EXTL2: variants seen among roughly 807,000 people sequenced by gnomAD.
The protein encoded by EXTL2 is exostosin-like 2.
EXTL2 carries 23 observed loss-of-function variants against 30.7 expected under a neutral mutation model. The ratio of observed to expected loss-of-function variants is 0.75; its 90% CI spans 0.54 to 1.06. The LOEUF (loss-of-function observed/expected upper bound fraction) is 1.06. EXTL2 is among the 50% of genes least tolerant of loss of function. The pLI is 0.00. For missense variants in EXTL2, 352 were observed against 396.3 expected, an observed-to-expected ratio of 0.89 and a Z score of 0.95; for synonymous variants, 123 against 133.8, an observed-to-expected ratio of 0.92 and a Z score of 0.56.
intron 1 of EXTL2, among the ~76,000 whole-genome samples, chr1:100,890,721 CA>C (rs1187286951): frequency 6.6e-6 from 1 of 152,232 alleles, no homozygotes; most frequent in African/African-American, 2.4e-5. Flanking sequence ...GAGACCACAT[CA>C]GCCTGGACTT....
In EXTL2 at chr1:100,877,578, A is replaced by G; in HGVS notation, c.331T>C (p.Trp111Arg). 1 of 1,613,476 alleles carries G rather than the reference A, an allele frequency of 6.2e-7. No individual in the cohort carries two copies. Among genetic ancestry groups the G allele is most frequent in the Non-Finnish European group, 8.5e-7 (1 of 1,179,608 alleles). ...NIGEKAPDEL[W>R]NSLGPHPIPV... ...ATAGGGTGGGGCCCTAGAGAATTCC[A>G]TAATTCATCTGGTGCCTTCTCTCCA... is the stretch of plus-strand genomic sequence containing the variant. Residue 111 changes from tryptophan (W) to arginine (R), a missense_variant, in exon 3 of 5, where the codon TGG (tryptophan) becomes CGG (arginine). By Grantham distance (101) the Trp-to-Arg change is moderately radical (BLOSUM62 -3). Coordinates refer to ENST00000370114, the MANE Select transcript of EXTL2 (RefSeq NM_001033025.3). This position sits in a 1 kb window ranked among gnomAD's most constrained non-coding sequence, Gnocchi z 4.1.
At chr1:100,888,307 C>A (rs2100964497) in intron 2 of EXTL2, 1 of 153,028 alleles carries the variant, frequency 6.5e-6, no homozygotes, top group Non-Finnish European at 1.5e-5. Flanking sequence ...GGTCAATTGA[C>A]AGATGAATGG....
chr1:100,876,761 A>T lies in EXTL2; in HGVS notation c.504+33T>A, dbSNP rs1318654090. 4 of 1,535,356 alleles carry T rather than the reference A, an allele frequency of 2.6e-6. No homozygotes were observed. In the Middle Eastern group the frequency reaches 5.1e-4, roughly 195 times the overall value. On this transcript the variant is annotated intron_variant, in intron 4 of 4. Transcript: ENST00000370114. ...GTTAAGTACTAGTCAAGATCTTATA[A>T]AGACGGTTTCATAAAAGAGACAGCA... is the stretch of plus-strand genomic sequence containing the variant.
chr1:100,880,533 CT>C (rs1440053650), intron 2 of EXTL2, among the ~76,000 whole-genome samples: 1 of 152,152 alleles, frequency 6.6e-6, no homozygotes, highest in Non-Finnish European at 1.5e-5. Context: ...TAACTTAAAG[CT>C]TTAGTGTACC....
intron 1 of EXTL2, among the ~76,000 whole-genome samples, chr1:100,889,754 C>T (rs1490036916): frequency 6.6e-6 from 1 of 152,226 alleles, no homozygotes; most frequent in African/African-American, 2.4e-5. Context: ...TCTCCTTTGA[C>T]TCTGTGTCTC....
At chr1:100,875,260 C>G (rs1649021385) in intron 4 of EXTL2, among the ~76,000 whole-genome samples, 1 of 149,248 alleles carries the variant, frequency 6.7e-6, no homozygotes, top group Non-Finnish European at 1.5e-5. Flanking sequence ...CACACACACA[C>G]GAGGCTGAGT....
chr1:100,881,645 A>G (rs1649566612), intron 2 of EXTL2, among the ~76,000 whole-genome samples: 5 of 152,200 alleles, frequency 3.3e-5, no homozygotes, highest in Admixed American at 2.0e-4. Context: ...CCATGACTGC[A>G]GTAAATATAA....
At chr1:100,894,932 C>A (rs1650767943), upstream of EXTL2, 10 of 152,288 alleles carry the variant, frequency 6.6e-5, no homozygotes, top group Admixed American at 6.5e-4. Context: ...CAGCCCACCT[C>A]CGAAAGCCAA....
Position 100,873,021 on chromosome 1 carries a change from T to G in EXTL2, c.*921A>C, listed in dbSNP as rs1648820858. The G allele has an allele frequency of 6.6e-6, 1 of 152,086 alleles. No individual in the cohort carries two copies. Among genetic ancestry groups the G allele is most frequent in the Non-Finnish European group, 1.5e-5 (1 of 67,974 alleles). The allele number at this position is 152,086 out of a possible 1,614,324, so 9.4% of individuals were successfully genotyped here. Reference sequence around the variant, plus strand: ...ATACAACTTTTTAGTATCCAGAAGATAACCAGTGCTCTACCAATAAAGATC... The same window carrying G: ...ATACAACTTTTTAGTATCCAGAAGAGAACCAGTGCTCTACCAATAAAGATC... On this transcript the variant is annotated 3_prime_UTR_variant, in exon 5 of 5. Coordinates refer to ENST00000370114, the MANE Select transcript of EXTL2 (RefSeq NM_001033025.3).
chr1:100,881,084 A>G, intron 2 of EXTL2: 1 of 953,508 alleles, frequency 1.0e-6, no homozygotes, highest in Non-Finnish European at 1.2e-6. Flanking sequence ...GATATGAATA[A>G]TTTATGTCTT....
intron 2 of EXTL2, among the ~76,000 whole-genome samples, chr1:100,886,093 TC>T (rs1364825342): frequency 6.6e-6 from 1 of 152,234 alleles, no homozygotes; most frequent in Non-Finnish European, 1.5e-5. Context: ...ACAATCTGGA[TC>T]AACTGTGTTA....
chr1:100,889,220 G>A (rs2100968144), intron 1 of EXTL2, among the ~76,000 whole-genome samples: 1 of 152,322 alleles, frequency 6.6e-6, no homozygotes. Flanking sequence ...AAGGGGGCAG[G>A]AGAGAGTGAG....
Position 100,877,713 on chromosome 1 carries a change from A to G in EXTL2, c.196T>C (p.Phe66Leu). ...TTGTACGTCTGCATTATGAGAGTAA[A>G]GGAGTCCATGGTGGACTTGCCCTGG... ...KSQGKSTMDSFTLIMQTYNRT... is the reference protein window; with the variant it reads ...KSQGKSTMDSLTLIMQTYNRT... The change falls in exon 3 of 5, where the codon TTT becomes CTT. Residue 66 changes from phenylalanine (F) to leucine (L), a missense_variant. Coordinates refer to ENST00000370114, the MANE Select transcript of EXTL2 (RefSeq NM_001033025.3). The surrounding 1 kb of genome is among the most constrained non-coding windows in gnomAD (Gnocchi z 4.1). The G allele has an allele frequency of 1.9e-6, 3 of 1,613,556 alleles. No homozygotes were observed. Among genetic ancestry groups the G allele is most frequent in the Non-Finnish European group, 2.5e-6 (3 of 1,179,646 alleles).
At chr1:100,889,954 C>T (rs1650288485) in intron 1 of EXTL2, among the ~76,000 whole-genome samples, 1 of 152,158 alleles carries the variant, frequency 6.6e-6, no homozygotes. Flanking sequence ...AAGATGGTGG[C>T]CCTGTTCTTA....
At chr1:100,889,315 T>C (rs1252564471) in intron 1 of EXTL2, among the ~76,000 whole-genome samples, 1 of 152,208 alleles carries the variant, frequency 6.6e-6, no homozygotes, top group Admixed American at 6.5e-5. Flanking sequence ...TGGGAGAAAC[T>C]GTCCCCATGA....
intron 2 of EXTL2, among the ~76,000 whole-genome samples, chr1:100,884,729 G>T (rs1457249665): frequency 6.6e-6 from 1 of 152,002 alleles, no homozygotes; most frequent in East Asian, 1.9e-4. Context: ...TCCTATAAAT[G>T]TTTCCCTCAC....
intron 2 of EXTL2, among the ~76,000 whole-genome samples, chr1:100,878,878 A>G (rs985219258): frequency 6.6e-5 from 10 of 152,154 alleles, no homozygotes; most frequent in East Asian, 1.9e-4. Flanking sequence ...CTTTACATCC[A>G]GGTTGAACTG....
intron 2 of EXTL2, 87 bp downstream of exon 2, chr1:100,888,665 AT>A: frequency 1.5e-6 from 1 of 666,166 alleles, no homozygotes. Flanking sequence ...CTACTGAACT[AT>A]ATACTTAAAA....
chr1:100,890,169 T>C (rs1297374757), intron 1 of EXTL2, among the ~76,000 whole-genome samples: 5 of 152,208 alleles, frequency 3.3e-5, no homozygotes, highest in Non-Finnish European at 4.4e-5. Flanking sequence ...TGTGCACCCA[T>C]AGGCTCAACA....
Sources: allele counts gnomAD v4.1 joint callset (sites outside exome capture counted in the v4.1 genomes callset), GRCh38; gene constraint gnomAD v4.1.1; non-coding constraint Gnocchi (gnomAD v3.1); transcripts MANE v1.5; gene names NCBI Gene and HGNC (gene_info 2026-07-23, HGNC 2026-07-21).